The following RPRD2 variants were observed in gnomAD, a reference collection of about 807,000 sequenced individuals.
RPRD2 encodes the protein regulation of nuclear pre-mRNA domain containing 2.
In RPRD2, 12 loss-of-function variants were observed where a neutral mutation model predicts 104.4. The ratio of observed to expected loss-of-function variants is 0.11; its 90% confidence interval spans 0.07 to 0.19. The LOEUF is 0.19. Ranked by LOEUF, RPRD2 falls within the 10% of genes least tolerant of loss-of-function variation. The pLI is 1.00. For synonymous variants in RPRD2, 714 were observed against 684.9 expected (o/e 1.04, Z -0.66); for missense variants, 1,543 against 1,790.1 (o/e 0.86, Z 2.49).
chr1:150,419,408 T>G (rs1418665096), intron 2 of RPRD2, among the ~76,000 whole-genome samples: 2 of 152,198 alleles, frequency 1.3e-5, no homozygotes, highest in Non-Finnish European at 2.9e-5. Flanking sequence ...AAGAACTGAC[T>G]GATCCCTCTT....
At chr1:150,377,598 A>G (rs76673743) in intron 1 of RPRD2, among the ~76,000 whole-genome samples, 4 of 88,860 alleles carry the variant, frequency 4.5e-5, no homozygotes, top group African/African-American at 1.9e-4. Context: ...ACTGCGTCTC[A>G]AAAAAAAAAA....
At chr1:150,383,937 G>A (rs2102143605) in intron 1 of RPRD2, among the ~76,000 whole-genome samples, 1 of 152,256 alleles carries the variant, frequency 6.6e-6, no homozygotes, top group South Asian at 2.1e-4. Context: ...AAAAATAACA[G>A]TACAAATTTG....
chr1:150,377,386 G>A (rs140754090), intron 1 of RPRD2, among the ~76,000 whole-genome samples: 12,420 of 151,896 alleles, frequency 0.082, 664 homozygotes, highest in Non-Finnish European at 0.12. Context: ...GGATCACGAG[G>A]TCAGGAGATT....
rs782786054 is a variant in RPRD2, at chr1:150,457,434, G to C, written c.1017G>C (p.Gln339His). The C allele has an allele frequency of 6.2e-7, 1 of 1,613,770 alleles. No homozygotes were observed. Among genetic ancestry groups the C allele is most frequent in the Non-Finnish European group, 8.5e-7 (1 of 1,179,882 alleles). ...PSPTGSESPF[Q>H]GMGGEESQSP... The stretch of plus-strand genomic sequence containing the variant: ...CGACTGGTTCTGAGTCTCCTTTTCA[G>C]GGAATGGGAGGTGAGGAATCCCAGT... The change falls in exon 8 of 11, where the codon CAG becomes CAC. Residue 339 changes from glutamine to histidine, a missense_variant. Coordinates refer to ENST00000369068, the MANE Select transcript of RPRD2 (RefSeq NM_015203.5).
chr1:150,411,933 G>A lies in RPRD2; in HGVS notation c.206-5663G>A, dbSNP rs1663964240. On this transcript the variant is annotated intron_variant, in intron 1 of 10. Transcript: ENST00000369068. ...TTGAGGTCAGGAGTTCGAGACCAGC[G>A]TGGCCAACGTGGTAAACCCTGTCTA... Among the ~76,000 whole-genome samples the A allele has an allele frequency of 2.6e-5, 4 of 151,676 alleles. No individual in the cohort carries two copies. The South Asian group carries it at 6.2e-4, about 24-fold the overall frequency.
Position 150,471,731 on chromosome 1 carries a change from C to T in RPRD2, c.2783C>T (p.Ser928Leu). Residue 928 changes from serine (S) to leucine (L), a missense_variant, in exon 11 of 11, where the codon TCA becomes TTA. By Grantham distance (145) the Ser-to-Leu change is moderately radical. Coordinates refer to ENST00000369068, the MANE Select transcript of RPRD2 (RefSeq NM_015203.5). This position sits in a 1 kb window ranked among gnomAD's most constrained non-coding sequence, Gnocchi z 5.3. ...GGGAATGAACCTGGGTCTGACCGGT[C>T]ACCATCACCGAGTAAGAATGATTCA... Reference protein sequence around the residue: ...VRGNEPGSDRSPSPSKNDSFF... With the variant: ...VRGNEPGSDRLPSPSKNDSFF... The T allele has an allele frequency of 6.2e-7, 1 of 1,613,936 alleles. No homozygotes were observed. The highest frequency in any genetic ancestry group is 1.1e-5 in the South Asian group (1 of 91,072).
At position 150,449,249 on chromosome 1, in the gene RPRD2, CT is replaced by C. The variant is rs782430897; in HGVS notation, c.870+2849del. Among the ~76,000 whole-genome samples the C allele has an allele frequency of 1.6e-4, 24 of 152,302 alleles. 2 individuals carry two copies. The East Asian group carries it at 1.9e-3, about 12-fold the overall frequency. On this transcript the variant is annotated intron_variant, in intron 7 of 10. Coordinates refer to ENST00000369068, the MANE Select transcript of RPRD2 (RefSeq NM_015203.5). ...TACATTTAATACAGTAAATTTCCTT[CT>C]AAGTTGCATCCCATGAGTTTTTATA...
In RPRD2 at chr1:150,368,205, GTTTT is replaced by G. The variant is rs10572674; in HGVS notation, c.205+3302_205+3305del. On this transcript the variant is annotated intron_variant, in intron 1 of 10. Coordinates refer to ENST00000369068, the MANE Select transcript of RPRD2 (RefSeq NM_015203.5). ...ACCTACTTTGATCACCTTATTTCTT[GTTTT>G]TTTTTTTTTTTTTTTAATACGGAGT... Among the ~76,000 whole-genome samples, 71 of 112,726 alleles carry G rather than the reference GTTTT, an allele frequency of 6.3e-4. 1 individual carries two copies. The Middle Eastern group carries it at 0.042, about 67-fold the overall frequency. The allele number at this position is 112,726 out of a possible 152,430, so 74.0% of individuals were successfully genotyped here. A position where few individuals can be genotyped will look rare whatever the true frequency, so the allele number is the denominator to read the frequency against.
At chr1:150,395,078 T>C (rs1181616100) in intron 1 of RPRD2, among the ~76,000 whole-genome samples, 1 of 152,136 alleles carries the variant, frequency 6.6e-6, no homozygotes, top group Non-Finnish European at 1.5e-5. Context: ...TAATGGTGAT[T>C]TGTGAGATTT....
At position 150,472,028 on chromosome 1, in the gene RPRD2, G is replaced by T. The variant is rs1047647104; in HGVS notation, c.3080G>T (p.Gly1027Val). ...SRKPSDDKHF[G>V]QAPSKGTPSD... ...AAGCCCTCAGATGATAAGCATTTTG[G>T]CCAGGCTCCCAGCAAGGGCACTCCA... The change falls in exon 11 of 11, where the codon GGC becomes GTC. Residue 1027 changes from glycine (G) to valine (V), a missense_variant. Physicochemically the swap from Gly to Val is moderately radical, Grantham distance 109. This residue lies in a region of RPRD2 where 880 missense variants were observed against 885.6 expected (regional missense o/e 0.99). Transcript: ENST00000369068. The T allele has an allele frequency of 3.1e-6, 5 of 1,613,718 alleles. No homozygotes were observed. The East Asian group carries it at 1.1e-4, about 36-fold the overall frequency.
chr1:150,465,318 A>G (rs1351343267), intron 10 of RPRD2, among the ~76,000 whole-genome samples: 1 of 151,846 alleles, frequency 6.6e-6, no homozygotes, highest in Non-Finnish European at 1.5e-5. Flanking sequence ...GAGTTTTGCT[A>G]TGTTGGCCAG....
chr1:150,444,391 C>T lies in RPRD2; in HGVS notation c.694+14C>T, dbSNP rs1553895187. 1 of 1,608,152 alleles carries T rather than the reference C, an allele frequency of 6.2e-7. No homozygotes were observed. Among genetic ancestry groups the T allele is most frequent in the African/African-American group, 1.3e-5 (1 of 74,616 alleles). ...AATGCTTAAAAGGTAATGCTTACAT[C>T]CTTTTAGAGTAAGTCAGATTTTCTT... On this transcript the variant is annotated intron_variant, in intron 6 of 10. Transcript: ENST00000369068.
chr1:150,460,325 A>T lies in RPRD2; in HGVS notation c.1411+8A>T. ...CAGTCATGAAAAATACTGGTAAGTA[A>T]GCCCAGTAAGGAGGATAAAAAGTTA... On this transcript the variant is annotated splice_region_variant and intron_variant, in intron 9 of 10. Transcript: ENST00000369068. The T allele has an allele frequency of 6.2e-7, 1 of 1,605,002 alleles. No individual in the cohort carries two copies. The highest frequency in any genetic ancestry group is 2.2e-5 in the East Asian group (1 of 44,778).
chr1:150,422,154 G>C (rs1180183482), intron 2 of RPRD2, among the ~76,000 whole-genome samples: 2 of 134,678 alleles, frequency 1.5e-5, no homozygotes, highest in African/African-American at 5.6e-5. Context: ...GTGAAACCCC[G>C]TCTCTACTAA....
chr1:150,435,002 T>G (rs1483468371), intron 2 of RPRD2, among the ~76,000 whole-genome samples: 1 of 152,214 alleles, frequency 6.6e-6, no homozygotes, highest in Admixed American at 6.5e-5. Flanking sequence ...GTAGCAACCC[T>G]GTGCCTATTG....
chr1:150,472,086 A>G lies in RPRD2; in HGVS notation c.3138A>G (p.Gln1046=), dbSNP rs777693294. Reference sequence around the variant, plus strand: ...GTGTCAGTCTCTCAAACCTCACCCAACCCAGCTTGACCGCCACTGATCAGC... The same window carrying G: ...GTGTCAGTCTCTCAAACCTCACCCAGCCCAGCTTGACCGCCACTGATCAGC... ...SDGVSLSNLT[Q]PSLTATDQQQ... is the part of the protein sequence containing the mutation. Residue 1046 remains glutamine (Q), a synonymous_variant, in exon 11 of 11, where the codon CAA becomes CAG. Coordinates refer to ENST00000369068, the MANE Select transcript of RPRD2 (RefSeq NM_015203.5). 2.5e-6 allele frequency: 4 copies of G among 1,613,550 alleles called. 1 individual carries two copies. The South Asian group carries it at 3.3e-5, about 13-fold the overall frequency.
rs587709927 is a variant in RPRD2, at chr1:150,473,429, C to T, written c.*95C>T. ...TTGTTTTTATTTGTTTTCTCTTTCTCGATTTTTTTTTTATTATAACAAAGG... is the reference window on the plus strand; with the variant it reads ...TTGTTTTTATTTGTTTTCTCTTTCTTGATTTTTTTTTTATTATAACAAAGG... On this transcript the variant is annotated 3_prime_UTR_variant, in exon 11 of 11. Coordinates refer to ENST00000369068, the MANE Select transcript of RPRD2 (RefSeq NM_015203.5). 1.4e-4 allele frequency: 178 copies of T among 1,292,706 alleles called. 1 individual carries two copies. In the South Asian group the frequency reaches 2.8e-3, roughly 20 times the overall value. The allele number at this position is 1,292,706 out of a possible 1,614,324, so 80.1% of individuals were successfully genotyped here. A position where few individuals can be genotyped will look rare whatever the true frequency, so the allele number is the denominator to read the frequency against.
intron 1 of RPRD2, among the ~76,000 whole-genome samples, chr1:150,396,202 T>G (rs1199671907): frequency 9.3e-5 from 14 of 151,308 alleles, no homozygotes; most frequent in Non-Finnish European, 8.9e-5. Flanking sequence ...CTGTGTGTTT[T>G]TTTTTTTTTT....
At chr1:150,392,733 C>T (rs1414808001) in intron 1 of RPRD2, among the ~76,000 whole-genome samples, 1 of 151,916 alleles carries the variant, frequency 6.6e-6, no homozygotes, top group Non-Finnish European at 1.5e-5. Flanking sequence ...GTCCCAGTTA[C>T]TGGAAAGGCT....
Sources: gnomAD v4.1 joint callset for allele counts (sites outside exome capture counted in the v4.1 genomes callset) on GRCh38, gnomAD v4.1.1 for gene constraint, gnomAD v4.1.1 regional missense constraint, Gnocchi (gnomAD v3.1) non-coding constraint, MANE v1.5 for transcripts, NCBI Gene and HGNC (gene_info 2026-07-23, HGNC 2026-07-21) for gene names.